Variants in SCN1A observed in about 807,000 individuals in gnomAD.
SCN1A encodes sodium voltage-gated channel alpha subunit 1, also known as sodium channel protein type 1 subunit alpha.
A neutral mutation model predicts 193.7 loss-of-function variants in SCN1A; 13 were observed. That is an observed-to-expected ratio of 0.07 (90% CI 0.04 to 0.11). The LOEUF (loss-of-function observed/expected upper bound fraction) is 0.11. SCN1A is among the 10% of genes least tolerant of loss of function. SCN1A has a pLI of 1.00. For synonymous variants in SCN1A, 781 were observed against 843.6 expected (o/e 0.93, Z 1.29); for missense variants, 1,432 against 2,451.1 (o/e 0.58, Z 8.78).
chr2:166,051,003 T>C (rs536015567), intron 9 of SCN1A, among the ~76,000 whole-genome samples: 20 of 152,120 alleles, frequency 1.3e-4, no homozygotes, highest in Middle Eastern at 3.4e-3. Context: ...AGACATTGTG[T>C]AATTAATGTA....
chr2:166,048,511 T>C (rs888707560), intron 10 of SCN1A, among the ~76,000 whole-genome samples: 8 of 152,134 alleles, frequency 5.3e-5, no homozygotes, highest in African/African-American at 1.7e-4. Context: ...GTTCTATCCA[T>C]ATCCCTGCAA....
At chr2:166,038,214 A>G (rs1696699707) in intron 17 of SCN1A, 82 bp from the exon 18 acceptor site, 1 of 1,082,050 alleles carries the variant, frequency 9.2e-7, no homozygotes, top group Admixed American at 2.5e-5. Context: ...AATGGTCATT[A>G]GAATTCAATA....
chr2:166,043,645 C>A, intron 14 of SCN1A, 24 bp downstream of exon 14: 2 of 1,604,100 alleles, frequency 1.2e-6, no homozygotes, highest in Non-Finnish European at 1.7e-6. Flanking sequence ...CCAGCCATGC[C>A]TGAACTATTT....
At chr2:166,009,934 A>T (rs962681217) in intron 22 of SCN1A, 93 bp from the exon 23 acceptor site, 2 of 1,225,086 alleles carry the variant, frequency 1.6e-6, no homozygotes. Flanking sequence ...TTTGCTTATA[A>T]TTATTCAGAG....
At chr2:166,025,876 T>C (rs1012466927) in intron 19 of SCN1A, among the ~76,000 whole-genome samples, 1 of 152,236 alleles carries the variant, frequency 6.6e-6, no homozygotes, top group Non-Finnish European at 1.5e-5. Flanking sequence ...CTTGGTCTTC[T>C]TCCACAAATT....
intron 2 of SCN1A, among the ~76,000 whole-genome samples, chr2:166,089,619 A>C (rs927476705): frequency 9.2e-5 from 14 of 152,090 alleles, no homozygotes; most frequent in African/African-American, 3.4e-4. Flanking sequence ...CAGTGGAAGA[A>C]TACATATGGA....
chr2:166,045,455 A>T, intron 12 of SCN1A, 128 bp from the exon 13 acceptor site: 1 of 1,089,648 alleles, frequency 9.2e-7, no homozygotes, highest in South Asian at 1.3e-5. Flanking sequence ...CACAGAGAAG[A>T]TTCTCTGCAA....
intron 1 of SCN1A, among the ~76,000 whole-genome samples, chr2:166,135,771 C>A (rs1691832348): frequency 6.6e-6 from 1 of 152,146 alleles, no homozygotes; most frequent in Non-Finnish European, 1.5e-5. Context: ...AAAATAATGA[C>A]ATTTAGCCTA....
chr2:166,010,927 A>G (rs994079366), intron 22 of SCN1A, among the ~76,000 whole-genome samples: 1 of 151,118 alleles, frequency 6.6e-6, no homozygotes, highest in African/African-American at 2.4e-5. Context: ...TTCATGAAAA[A>G]GCTGATGTGT....
chr2:166,130,193 A>C (rs2106285583), upstream of SCN1A, among the ~76,000 whole-genome samples: 1 of 152,320 alleles, frequency 6.6e-6, no homozygotes. Context: ...ATGGAGTCCT[A>C]ACCACTTCAT....
At chr2:166,142,338 T>C (rs1692125569) in intron 1 of SCN1A, among the ~76,000 whole-genome samples, 1 of 152,222 alleles carries the variant, frequency 6.6e-6, no homozygotes, top group South Asian at 2.1e-4. Context: ...TAGTTGTGTC[T>C]TTATAATTGG....
At chr2:166,005,723 A>T (rs1188043329) in intron 23 of SCN1A, among the ~76,000 whole-genome samples, 4 of 151,354 alleles carry the variant, frequency 2.6e-5, no homozygotes, top group African/African-American at 4.8e-5. Flanking sequence ...AAGGAGGTGT[A>T]TTAACTTTTT....
chr2:166,115,748 T>C (rs1689780927), intron 2 of SCN1A, among the ~76,000 whole-genome samples: 1 of 152,204 alleles, frequency 6.6e-6, no homozygotes, highest in South Asian at 2.1e-4. Context: ...ATTGAGAACC[T>C]AGACACCGAA....
chr2:166,117,920 GC>G (rs1483936576), intron 2 of SCN1A, among the ~76,000 whole-genome samples: 2 of 151,308 alleles, frequency 1.3e-5, no homozygotes, highest in East Asian at 3.9e-4. Flanking sequence ...CCGAGATCCT[GC>G]CATTGCACTC....
chr2:166,132,378 G>GTTTTTTT (rs58736740), upstream of SCN1A, among the ~76,000 whole-genome samples: 1 of 149,534 alleles, frequency 6.7e-6, no homozygotes, highest in Non-Finnish European at 1.5e-5. Context: ...TTTCCTAGTG[G>GTTTTTTT]TTTTTTTTTT....
Position 165,991,620 on chromosome 2 carries a change from T to G in SCN1A, c.5655A>C (p.Leu1885=), listed in dbSNP as rs746651472. 1.4e-5 allele frequency: 22 copies of G among 1,613,784 alleles called. No individual in the cohort carries two copies. In the Admixed American group the frequency reaches 3.7e-4, roughly 27 times the overall value. Residue 1885 remains leucine (L), a synonymous_variant, in exon 29 of 29, where the codon CTA becomes CTC. Coordinates refer to ENST00000674923, the MANE Select transcript of SCN1A (RefSeq NM_001165963.4). ...VLGESGEMDA[L]RIQMEERFMA... ...TGAATCGCTCTTCCATCTGTATTCG[T>G]AGAGCATCCATCTCTCCACTCTCTC...
chr2:166,030,170 A>G (rs1407272795), intron 19 of SCN1A, among the ~76,000 whole-genome samples: 1 of 152,184 alleles, frequency 6.6e-6, no homozygotes, highest in Non-Finnish European at 1.5e-5. Context: ...TGTAGCGGTT[A>G]AGAGCGTGAC....
In SCN1A at chr2:166,036,078, A is replaced by G. The variant is rs1298765257; in HGVS notation, c.3399T>C (p.Ser1133=). The G allele has an allele frequency of 1.9e-6, 3 of 1,613,894 alleles. No homozygotes were observed. In the South Asian group the frequency reaches 3.3e-5, roughly 18 times the overall value. Residue 1133 remains serine, a synonymous_variant, in exon 19 of 29, where the codon AGT becomes AGC. Coordinates refer to ENST00000674923, the MANE Select transcript of SCN1A (RefSeq NM_001165963.4). ...TGCTTTCTTCCAGATCCGATTCACT[A>G]CTAAAGTCTTCCGTGTTTAAATTTT... is the stretch of plus-strand genomic sequence containing the variant. ...DFENLNTEDF[S]SESDLEESKE...
intron 1 of SCN1A, among the ~76,000 whole-genome samples, chr2:166,148,045 G>A (rs923067115): frequency 6.6e-6 from 1 of 152,132 alleles, no homozygotes; most frequent in Non-Finnish European, 1.5e-5. Context: ...TTGAGATCAC[G>A]TAGACAGTTT....
Sources: gnomAD v4.1 joint callset for allele counts (sites outside exome capture counted in the v4.1 genomes callset) on GRCh38, gnomAD v4.1.1 for gene constraint, MANE v1.5 for transcripts, NCBI Gene and HGNC (gene_info 2026-07-23, HGNC 2026-07-21) for gene names.